Variants in RNF126 observed in about 807,000 individuals in gnomAD.
RNF126 encodes the protein E3 ubiquitin-protein ligase RNF126.
A neutral mutation model predicts 41.9 loss-of-function variants in RNF126; 20 were observed. The observed-to-expected ratio is 0.48, with a 90% CI of 0.34 to 0.69. The LOEUF (loss-of-function observed/expected upper bound fraction) is 0.69. RNF126 is among the 30% of genes least tolerant of loss of function. The probability of loss-of-function intolerance (pLI) is 0.01; values close to 1 mark genes in which losing one functional copy is unlikely to be tolerated. For synonymous variants in RNF126, 239 were observed against 202.9 expected (o/e 1.18, Z -1.51); for missense variants, 433 against 460.6 (o/e 0.94, Z 0.55).
chr19:662,185 C>A (rs896711479), intron 1 of RNF126, among the ~76,000 whole-genome samples: 3 of 152,164 alleles, frequency 2.0e-5, no homozygotes, highest in Admixed American at 2.0e-4. Context: ...GACTGCTGAG[C>A]GCATTCCACA....
intron 1 of RNF126, among the ~76,000 whole-genome samples, chr19:658,217 A>C (rs2030642651): frequency 6.6e-6 from 1 of 152,124 alleles, no homozygotes; most frequent in Admixed American, 6.5e-5. Context: ...CTGCAGCGTG[A>C]TGGCCTCATC....
chr19:662,240 C>T (rs1490101439), intron 1 of RNF126, among the ~76,000 whole-genome samples: 1 of 152,248 alleles, frequency 6.6e-6, no homozygotes, highest in Non-Finnish European at 1.5e-5. Context: ...GAAATAGCAC[C>T]TTCAACGAGC....
chr19:653,988 G>A (rs777987664), intron 1 of RNF126, among the ~76,000 whole-genome samples: 9 of 152,316 alleles, frequency 5.9e-5, no homozygotes, highest in Middle Eastern at 3.4e-3. Context: ...GTTGCACCGG[G>A]GCTGTTCAGT....
Position 647,896 on chromosome 19 carries a change from T to TA in RNF126, c.*231dup, listed in dbSNP as rs767080626. On this transcript the variant is annotated 3_prime_UTR_variant, in exon 9 of 9. Transcript: ENST00000292363. ...CCGCTGAACGTTTAGAGGGTGAGGT[T>TA]AGACAGAGGACGGGGAGGCTGGGGA... is the stretch of plus-strand genomic sequence containing the variant. 4.3e-5 allele frequency: 28 copies of TA among 645,840 alleles called. No individual in the cohort carries two copies. The African/African-American group carries it at 4.8e-4, about 11-fold the overall frequency. The allele number at this position is 645,840 out of a possible 1,614,324, so 40.0% of individuals were successfully genotyped here.
chr19:648,364 G>GGGGGGGGGGGGGGGGGCCCCCCCCCC lies in RNF126; in HGVS notation c.786+7_786+8insGGGGGGGGGGCCCCCCCCCCCCCCCC. 1 of 510,494 alleles carries GGGGGGGGGGGGGGGGGCCCCCCCCCC rather than the reference G, an allele frequency of 2.0e-6. No homozygotes were observed. Among genetic ancestry groups the GGGGGGGGGGGGGGGGGCCCCCCCCCC allele is most frequent in the Non-Finnish European group, 3.6e-6 (1 of 278,360 alleles). 31.6% of individuals were successfully genotyped at this position (510,494 alleles called of 1,614,324 possible). A position where few individuals can be genotyped will look rare whatever the true frequency, so the allele number is the denominator to read the frequency against. On this transcript the variant is annotated splice_region_variant and intron_variant, in intron 8 of 8. Transcript: ENST00000292363. Reference sequence around the variant, plus strand: ...CGGGGTGGGGGGGCGGGTGGGCGGGGCACTCACCTGCTCCAGCCAGGGCAC... The same window carrying GGGGGGGGGGGGGGGGGCCCCCCCCCC: ...CGGGGTGGGGGGGCGGGTGGGCGGGGGGGGGGGGGGGGGGGGCCCCCCCCCCCACTCACCTGCTCCAGCCAGGGCAC...
chr19:652,503 C>CCCAACAGCT (rs1247506785), intron 2 of RNF126: 1 of 607,334 alleles, frequency 1.6e-6, no homozygotes, highest in Non-Finnish European at 2.9e-6. Context: ...CGGTGCAGAC[C>CCCAACAGCT]CCAACAGCCT....
chr19:652,407 G>T, intron 2 of RNF126, 111 bp from the exon 3 acceptor site: 1 of 959,168 alleles, frequency 1.0e-6, no homozygotes, highest in Non-Finnish European at 1.5e-6. Flanking sequence ...CCTTGGCACT[G>T]CTTCCCACCC....
rs114306307 is a variant in RNF126, at chr19:659,152, C to T, written c.75+3895G>A. Among the ~76,000 whole-genome samples, 1,747 of 152,264 alleles carry T rather than the reference C, an allele frequency of 0.011. 35 individuals are homozygous for T. Among genetic ancestry groups the T allele is most frequent in the African/African-American group, 0.04 (1,642 of 41,538 alleles). On this transcript the variant is annotated intron_variant, in intron 1 of 8. Transcript: ENST00000292363. The surrounding 1 kb of genome is among the most constrained non-coding windows in gnomAD (Gnocchi z 4.9). ...AGGCAGGGGCAGGCTGTCACTGTCA[C>T]GGTATCTGGCACAACCGCAGACACA...
rs756805595 is a variant in RNF126, at chr19:648,965, T to C, written c.587A>G (p.Gln196Arg). ...LDAIITQLLN[Q>R]FENTGPPPAD... ...CGGTGGGGGGCCTGTGTTTTCAAAC[T>C]GATTGAGGAGCTGAAAGACAAGAGG... The change falls in exon 7 of 9, where the codon CAG (glutamine) becomes CGG (arginine). Residue 196 changes from glutamine (Q) to arginine (R), a missense_variant. By Grantham distance (43) the Gln-to-Arg change is conservative. Coordinates refer to ENST00000292363, the MANE Select transcript of RNF126 (RefSeq NM_194460.3). 1.4e-6 allele frequency: 2 copies of C among 1,401,910 alleles called. No homozygotes were observed. Among genetic ancestry groups the C allele is most frequent in the Non-Finnish European group, 1.9e-6 (2 of 1,075,040 alleles). The allele number at this position is 1,401,910 out of a possible 1,614,324, so 86.8% of individuals were successfully genotyped here.
chr19:655,320 C>A (rs186709306), intron 1 of RNF126, among the ~76,000 whole-genome samples: 3 of 150,512 alleles, frequency 2.0e-5, no homozygotes, highest in African/African-American at 7.3e-5. Context: ...AGAACCAGAC[C>A]CTGCCAAAAA....
At chr19:648,830 G>T in intron 7 of RNF126, 52 bp downstream of exon 7, 4 of 1,081,178 alleles carry the variant, frequency 3.7e-6, no homozygotes, top group Non-Finnish European at 3.9e-6. Context: ...TGAGCCAGGC[G>T]TGGCGGCGGG....
rs536327149 is a variant in RNF126 at position 659,066 on chromosome 19, A to G, written c.75+3981T>C. Among the ~76,000 whole-genome samples, 1 of 152,296 alleles carries G rather than the reference A, an allele frequency of 6.6e-6. No individual in the cohort carries two copies. Among genetic ancestry groups the G allele is most frequent in the South Asian group, 2.1e-4 (1 of 4,826 alleles). On this transcript the variant is annotated intron_variant, in intron 1 of 8. Transcript: ENST00000292363. The surrounding 1 kb of genome is among the most constrained non-coding windows in gnomAD (Gnocchi z 4.9). ...TCCATGTTCACAGGGTGCTGCAGGG[A>G]GCCCGTTCCGGAGAACCCAGCTGTG...
chr19:654,827 C>T (rs1009576186), intron 1 of RNF126, among the ~76,000 whole-genome samples: 1 of 149,790 alleles, frequency 6.7e-6, no homozygotes, highest in South Asian at 2.1e-4. Context: ...GTTAGCCAGG[C>T]GTGGTGGCAC....
At chr19:658,940 G>A (rs376774165) in intron 1 of RNF126, among the ~76,000 whole-genome samples, 200 of 152,320 alleles carry the variant, frequency 1.3e-3, no homozygotes, top group African/African-American at 4.5e-3. Context: ...ATTCAGCACC[G>A]GCATCTGCCC....
chr19:651,981 C>T (rs189293416), intron 3 of RNF126, 126 bp from the exon 4 acceptor site: 3 of 868,736 alleles, frequency 3.5e-6, no homozygotes, highest in Admixed American at 2.8e-5. Flanking sequence ...GAGGGAGACG[C>T]AGACAGGGAG....
intron 2 of RNF126, 50 bp downstream of exon 2, chr19:652,776 G>C: frequency 6.4e-7 from 1 of 1,566,240 alleles, no homozygotes; most frequent in Non-Finnish European, 8.8e-7. Flanking sequence ...CCCTACAACA[G>C]CTGAGGCCCG....
Position 648,349 on chromosome 19 carries a change from GGGCGGGT to G in RNF126, c.786+16_786+22del. The G allele has an allele frequency of 3.5e-6, 2 of 576,326 alleles. No individual in the cohort carries two copies. The highest frequency in any genetic ancestry group is 5.8e-6 in the Non-Finnish European group (2 of 342,248). The allele number at this position is 576,326 out of a possible 1,614,324, so 35.7% of individuals were successfully genotyped here. A position where few individuals can be genotyped will look rare whatever the true frequency, so the allele number is the denominator to read the frequency against. On this transcript the variant is annotated intron_variant, in intron 8 of 8. Coordinates refer to ENST00000292363, the MANE Select transcript of RNF126 (RefSeq NM_194460.3). ...CGGGAGGGCCGCGGTCGGGGTGGGG[GGGCGGGT>G]GGGCGGGGCACTCACCTGCTCCAGC...
chr19:651,416 C>T (rs1375318107), intron 4 of RNF126, 195 bp downstream of exon 4: 1 of 489,802 alleles, frequency 2.0e-6, no homozygotes, highest in East Asian at 4.0e-5. Flanking sequence ...AACCCACACA[C>T]CCTGAACCGG....
At chr19:661,726 G>A (rs56044504) in intron 1 of RNF126, among the ~76,000 whole-genome samples, 1 of 152,150 alleles carries the variant, frequency 6.6e-6, no homozygotes, top group African/African-American at 2.4e-5. Flanking sequence ...CACTGCTTCT[G>A]GGGGGCTTGG....
Sources: allele counts gnomAD v4.1 joint callset (sites outside exome capture counted in the v4.1 genomes callset), GRCh38; gene constraint gnomAD v4.1.1; non-coding constraint Gnocchi (gnomAD v3.1); transcripts MANE v1.5; gene names NCBI Gene and HGNC (gene_info 2026-07-23, HGNC 2026-07-21).